The following REG3G variants were observed in gnomAD, a reference collection of about 807,000 sequenced individuals.
The protein encoded by REG3G is regenerating islet-derived protein 3-gamma.
REG3G carries 19 observed loss-of-function variants against 20.9 expected under a neutral mutation model. The ratio of observed to expected loss-of-function variants is 0.91; its 90% CI spans 0.64 to 1.34. The LOEUF (loss-of-function observed/expected upper bound fraction) is 1.34, where lower values mean the gene tolerates loss of function less well. Among genes scored for constraint, REG3G ranks in the 40% most tolerant of loss-of-function variants. The pLI is 0.00. For synonymous variants in REG3G, 89 were observed against 77.4 expected (o/e 1.15, Z -0.79); for missense variants, 235 against 205.0 (o/e 1.15, Z -0.89).
intron 2 of REG3G, 107 bp downstream of exon 2, chr2:79,026,276 A>G: frequency 9.0e-7 from 1 of 1,115,124 alleles, no homozygotes; most frequent in Non-Finnish European, 1.4e-6. Context: ...GTGTCTAATG[A>G]AACTGCCTGC....
rs759347676 is a variant in REG3G, at chr2:79,026,719, A to C, written c.83A>C (p.Glu28Ala). The C allele has an allele frequency of 1.2e-6, 2 of 1,613,572 alleles. No homozygotes were observed. The highest frequency in any genetic ancestry group is 2.2e-5 in the South Asian group (2 of 91,040). The change falls in exon 3 of 6, where the codon GAA becomes GCA. Residue 28 changes from glutamate (E) to alanine (A), a missense_variant. Glu to Ala is a moderately radical substitution (Grantham distance 107). Coordinates refer to ENST00000272324, the MANE Select transcript of REG3G (RefSeq NM_001008387.3). ...LILLCQVQGE[E>A]TQKELPSPRI... is the part of the protein sequence containing the mutation. ...CCCTTTTCTTCCACCCCAGGTGAAG[A>C]AACCCAGAAGGAACTGCCCTCTCCA...
chr2:79,028,135 TAAAACCTGGGATGCCTCTTCACTGGGTTC>T, intron 5 of REG3G, 45 bp from the exon 6 acceptor site: 1 of 1,334,574 alleles, frequency 7.5e-7, no homozygotes, highest in South Asian at 1.2e-5. Context: ...AATCCTAGGC[TAAAACCTGGGATGCCTCTTCACTGGGTTC>T]ACAAGTTCCC....
At chr2:79,027,289 T>TG (rs1671649788) in intron 4 of REG3G, 118 bp downstream of exon 4, 1 of 1,106,764 alleles carries the variant, frequency 9.0e-7, no homozygotes, top group Non-Finnish European at 1.3e-6. Context: ...GCTCAGATTC[T>TG]GGGGGACATT....
rs148267535 is a variant in REG3G, at chr2:79,027,159, T to C, written c.321T>C (p.His107=). 6.2e-7 allele frequency: 1 copy of C among 1,613,856 alleles called. No individual in the cohort carries two copies. The highest frequency in any genetic ancestry group is 8.5e-7 in the Non-Finnish European group (1 of 1,179,818). ...NSYSYIWIGL[H]DPTQGSEPDG... ...ATTCATACATCTGGATTGGGCTCCATGACCCCACACAGGTGCGAGTATATC... is the reference window on the plus strand; with the variant it reads ...ATTCATACATCTGGATTGGGCTCCACGACCCCACACAGGTGCGAGTATATC... Residue 107 remains histidine, a synonymous_variant, in exon 4 of 6, where the codon CAT becomes CAC. Transcript: ENST00000272324.
At chr2:79,027,247 C>T in intron 4 of REG3G, 76 bp downstream of exon 4, 2 of 1,499,152 alleles carry the variant, frequency 1.3e-6, no homozygotes, top group Non-Finnish European at 1.8e-6. Flanking sequence ...GTCCCCAGTC[C>T]CTGCCCAGGA....
In REG3G at chr2:79,026,064, A is replaced by G. The variant is rs370199759; in HGVS notation, c.-30A>G. The G allele has an allele frequency of 6.2e-6, 10 of 1,609,766 alleles. No individual in the cohort carries two copies. The Middle Eastern group carries it at 4.9e-4, about 80-fold the overall frequency. ...CCCGCTGACCACACTTCCTTTAGTG[A>G]CCCGATTGCCTCCTCAAGTCGCAGA... On this transcript the variant is annotated 5_prime_UTR_variant, in exon 2 of 6. Transcript: ENST00000272324.
At chr2:79,027,420 C>T (rs1195465376) in intron 4 of REG3G, among the ~76,000 whole-genome samples, 2 of 152,168 alleles carry the variant, frequency 1.3e-5, no homozygotes, top group Non-Finnish European at 2.9e-5. Flanking sequence ...GGAATCCTTA[C>T]AAATCAATTA....
rs1360828131 is a variant in REG3G at position 79,026,156 on chromosome 2, G to A, written c.63G>A (p.Leu21=). 1.9e-6 allele frequency: 3 copies of A among 1,613,800 alleles called. No individual in the cohort carries two copies. The East Asian group carries it at 6.7e-5, about 36-fold the overall frequency. The change falls in exon 2 of 6, where the codon CTG becomes CTA. Residue 21 remains leucine, a synonymous_variant. Transcript: ENST00000272324. Reference sequence around the variant, plus strand: ...TGCTGCTTTCCTGCCTCATTCTCCTGTGTCAGGTTCAAGGTGAGATTTCTC... The same window carrying A: ...TGCTGCTTTCCTGCCTCATTCTCCTATGTCAGGTTCAAGGTGAGATTTCTC... ...SWMLLSCLIL[L]CQVQGEETQK...
rs768489277 is a variant in REG3G, at chr2:79,027,115, A to G, written c.277A>G (p.Arg93Gly). 1.3e-5 allele frequency: 21 copies of G among 1,613,782 alleles called. No homozygotes were observed. In the South Asian group the frequency reaches 2.3e-4, roughly 18 times the overall value. ...AEGSFVSSLV[R>G]SISNSYSYIW... is the part of the protein sequence containing the mutation. ...GGGATCCTTCGTGTCCTCCCTGGTG[A>G]GGAGCATTAGTAACAGCTATTCATA... Residue 93 changes from arginine (R) to glycine (G), a missense_variant, in exon 4 of 6, where the codon AGG (arginine) becomes GGG (glycine). By Grantham distance (125) the Arg-to-Gly change is moderately radical. Transcript: ENST00000272324.
Position 79,026,881 on chromosome 2 carries a change from G to C in REG3G, c.195+50G>C, listed in dbSNP as rs774169319. ...AGGTGATAGGGGAAAGTCCATGCAG[G>C]TCTCAGGGGGAGGAGGGTCTCCTTC... On this transcript the variant is annotated intron_variant, in intron 3 of 5. Transcript: ENST00000272324. 2 of 1,304,366 alleles carry C rather than the reference G, an allele frequency of 1.5e-6. 1 individual carries two copies. The highest frequency in any genetic ancestry group is 3.7e-5 in the African/African-American group (2 of 54,514). The allele number at this position is 1,304,366 out of a possible 1,614,324, so 80.8% of individuals were successfully genotyped here.
intron 2 of REG3G, 47 bp from the exon 3 acceptor site, chr2:79,026,666 C>A (rs746164855): frequency 4.0e-6 from 6 of 1,494,280 alleles, no homozygotes; most frequent in Non-Finnish European, 5.5e-6. Context: ...CATCTCCCAC[C>A]CACCCCCTAC....
chr2:79,026,763 G>T lies in REG3G; in HGVS notation c.127G>T (p.Gly43Cys). The T allele has an allele frequency of 6.2e-7, 1 of 1,613,844 alleles. No homozygotes were observed. Among genetic ancestry groups the T allele is most frequent in the Non-Finnish European group, 8.5e-7 (1 of 1,179,936 alleles). Residue 43 changes from glycine (G) to cysteine (C), a missense_variant, in exon 3 of 6, where the codon GGC becomes TGC. Transcript: ENST00000272324. Reference sequence around the variant, plus strand: ...CTCTCCACGGATCAGCTGTCCCAAAGGCTCCAAGGCCTATGGCTCCCCCTG... The same window carrying T: ...CTCTCCACGGATCAGCTGTCCCAAATGCTCCAAGGCCTATGGCTCCCCCTG... Reference protein sequence around the residue: ...LPSPRISCPKGSKAYGSPCYA... With the variant: ...LPSPRISCPKCSKAYGSPCYA...
chr2:79,026,063 G>T lies in REG3G; in HGVS notation c.-31G>T. On this transcript the variant is annotated 5_prime_UTR_variant, in exon 2 of 6. Coordinates refer to ENST00000272324, the MANE Select transcript of REG3G (RefSeq NM_001008387.3). Reference sequence around the variant, plus strand: ...TCCCGCTGACCACACTTCCTTTAGTGACCCGATTGCCTCCTCAAGTCGCAG... The same window carrying T: ...TCCCGCTGACCACACTTCCTTTAGTTACCCGATTGCCTCCTCAAGTCGCAG... 1 of 1,609,700 alleles carries T rather than the reference G, an allele frequency of 6.2e-7. No homozygotes were observed. Among genetic ancestry groups the T allele is most frequent in the Middle Eastern group, 1.7e-4 (1 of 6,050 alleles).
At chr2:79,025,943 G>A in intron 1 of REG3G, 40 bp from the exon 2 acceptor site, 1 of 712,414 alleles carries the variant, frequency 1.4e-6, no homozygotes, top group East Asian at 2.7e-5. Flanking sequence ...AGCTCATTCA[G>A]AACTGTAGAA....
At position 79,027,299 on chromosome 2, in the gene REG3G, T is replaced by G. The variant is rs1050271509; in HGVS notation, c.333+128T>G. ...CTGGAGCTCAGATTCTGGGGGACAT[T>G]TGGGAGAATAGGAAGTCCATGAGGC... On this transcript the variant is annotated intron_variant, in intron 4 of 5. Coordinates refer to ENST00000272324, the MANE Select transcript of REG3G (RefSeq NM_001008387.3). 1.4e-5 allele frequency: 14 copies of G among 1,018,680 alleles called. No homozygotes were observed. In the Admixed American group the frequency reaches 3.2e-4, roughly 24 times the overall value. The allele number at this position is 1,018,680 out of a possible 1,614,324, so 63.1% of individuals were successfully genotyped here. A position where few individuals can be genotyped will look rare whatever the true frequency, so the allele number is the denominator to read the frequency against.
In REG3G at chr2:79,027,042, C is replaced by A. The variant is rs181651760; in HGVS notation, c.204C>A (p.Cys68Ter). 1.8e-4 allele frequency: 298 copies of A among 1,614,030 alleles called. No individual in the cohort carries two copies. Among genetic ancestry groups the A allele is most frequent in the Non-Finnish European group, 2.4e-4 (289 of 1,179,946 alleles). Residue 68 changes from cysteine to a stop codon, truncating the protein, a stop_gained, in exon 4 of 6, where the codon TGC becomes TGA. Coordinates refer to ENST00000272324, the MANE Select transcript of REG3G (RefSeq NM_001008387.3). LOFTEE classifies it high-confidence loss of function. ...PKSWMDADLA[C>*]QKRPSGKLVS... ...CTTTGTCCCCCTCAAAGCTGGCTTG[C>A]CAGAAGCGGCCCTCTGGAAAACTGG...
intron 5 of REG3G, 91 bp downstream of exon 5, chr2:79,028,024 T>C (rs992972826): frequency 1.3e-6 from 2 of 1,542,088 alleles, no homozygotes; most frequent in Non-Finnish European, 1.8e-6. Context: ...AGCTAGGTAA[T>C]GCAGTGTTTA....
Position 79,026,155 on chromosome 2 carries a change from T to C in REG3G, c.62T>C (p.Leu21Pro), listed in dbSNP as rs776859771. Residue 21 changes from leucine to proline, a missense_variant, in exon 2 of 6, where the codon CTG becomes CCG. Physicochemically the swap from Leu to Pro is moderately conservative, Grantham distance 98 (BLOSUM62 -3). Transcript: ENST00000272324. ...ATGCTGCTTTCCTGCCTCATTCTCC[T>C]GTGTCAGGTTCAAGGTGAGATTTCT... The part of the protein sequence containing the change: ...SWMLLSCLIL[L>P]CQVQGEETQK... 8.7e-6 allele frequency: 14 copies of C among 1,613,840 alleles called. 1 individual carries two copies. In the South Asian group the frequency reaches 1.5e-4, roughly 18 times the overall value.
rs374124269 is a variant in REG3G, at chr2:79,027,339, A to T, written c.333+168A>T. 6.0e-6 allele frequency: 4 copies of T among 668,876 alleles called. No individual in the cohort carries two copies. The East Asian group carries it at 8.2e-5, about 14-fold the overall frequency. The allele number at this position is 668,876 out of a possible 1,614,324, so 41.4% of individuals were successfully genotyped here. On this transcript the variant is annotated intron_variant, in intron 4 of 5. Coordinates refer to ENST00000272324, the MANE Select transcript of REG3G (RefSeq NM_001008387.3). The stretch of plus-strand genomic sequence containing the variant: ...GTCCATGAGGCAGCTGAAGAGCTGA[A>T]TTCTACGGAGATCCCTAGTCTTTAA...
Sources: allele counts gnomAD v4.1 joint callset (sites outside exome capture counted in the v4.1 genomes callset), GRCh38; gene constraint gnomAD v4.1.1; transcripts MANE v1.5; gene names NCBI Gene and HGNC (gene_info 2026-07-23, HGNC 2026-07-21).